MYO18B: variants seen among roughly 807,000 people sequenced by gnomAD.
The protein encoded by MYO18B is unconventional myosin-XVIIIb.
In MYO18B, 204 loss-of-function variants were observed where a neutral mutation model predicts 273.0. The ratio of observed to expected loss-of-function variants is 0.75; its 90% CI spans 0.67 to 0.84. The LOEUF is 0.84. Among genes scored for constraint, MYO18B ranks in the 40% least tolerant of loss-of-function variants. The pLI is 0.00. For missense variants in MYO18B, 3,212 were observed against 3,287.6 expected (o/e 0.98, Z 0.56); for synonymous variants, 1,330 against 1,305.7 (o/e 1.02, Z -0.40).
intron 39 of MYO18B, among the ~76,000 whole-genome samples, chr22:25,962,740 A>T (rs1334918041): frequency 6.6e-6 from 1 of 152,230 alleles, no homozygotes; most frequent in Non-Finnish European, 1.5e-5. Flanking sequence ...TGCATCATTC[A>T]TCTGAAACTT....
intron 12 of MYO18B, among the ~76,000 whole-genome samples, chr22:25,803,015 G>T (rs1474793368): frequency 2.0e-5 from 3 of 148,714 alleles, no homozygotes; most frequent in African/African-American, 7.5e-5. Flanking sequence ...AGGCTGGAGT[G>T]CAGTGGCGCG....
intron 34 of MYO18B, among the ~76,000 whole-genome samples, chr22:25,942,798 C>T (rs1476712018): frequency 6.6e-6 from 1 of 152,094 alleles, no homozygotes; most frequent in Non-Finnish European, 1.5e-5. Context: ...CCAAGATAAT[C>T]CTATCTCCAG....
chr22:25,824,555 T>C (rs1178455528), intron 13 of MYO18B, among the ~76,000 whole-genome samples: 4 of 152,142 alleles, frequency 2.6e-5, no homozygotes, highest in Non-Finnish European at 5.9e-5. Context: ...GCAGCTGTCC[T>C]TGAGACAGCA....
intron 22 of MYO18B, among the ~76,000 whole-genome samples, chr22:25,873,222 T>C (rs2091096644): frequency 1.3e-5 from 2 of 152,142 alleles, no homozygotes; most frequent in African/African-American, 2.4e-5. Context: ...GGTGGCTTTG[T>C]GGGGTGCCGA....
chr22:25,909,530 T>G (rs2146378637), intron 32 of MYO18B, among the ~76,000 whole-genome samples: 1 of 152,280 alleles, frequency 6.6e-6, no homozygotes, highest in African/African-American at 2.4e-5. Flanking sequence ...GGAGATGGAA[T>G]CTCTCAGTCC....
In MYO18B at chr22:25,955,297, A is replaced by T. The variant is rs1293089539; in HGVS notation, c.6089A>T (p.Glu2030Val). 2 of 1,613,676 alleles carry T rather than the reference A, an allele frequency of 1.2e-6. No homozygotes were observed. Among genetic ancestry groups the T allele is most frequent in the East Asian group, 4.5e-5 (2 of 44,866 alleles). ...CAGTACTACCAGCGGCGCCTGGAAGAGCTGAAGGCCGACATGGAAGAGCTG... is the reference window on the plus strand; with the variant it reads ...CAGTACTACCAGCGGCGCCTGGAAGTGCTGAAGGCCGACATGGAAGAGCTG... ...SSQYYQRRLE[E>V]LKADMEELVQ... Residue 2030 changes from glutamate (E) to valine (V), a missense_variant, in exon 39 of 44, where the codon GAG becomes GTG. Transcript: ENST00000335473.
chr22:25,973,654 A>G (rs1031641890), intron 39 of MYO18B, among the ~76,000 whole-genome samples: 20 of 152,254 alleles, frequency 1.3e-4, no homozygotes, highest in Admixed American at 3.9e-4. Flanking sequence ...GCCACACATC[A>G]GGTGATCAAT....
chr22:25,988,941 C>G (rs1228725568), intron 39 of MYO18B, among the ~76,000 whole-genome samples: 1 of 152,190 alleles, frequency 6.6e-6, no homozygotes, highest in African/African-American at 2.4e-5. Flanking sequence ...AGCCTACTTT[C>G]ACTTTTATGA....
chr22:25,955,347 C>T lies in MYO18B; in HGVS notation c.6139C>T (p.Arg2047Trp), dbSNP rs1443880267. Residue 2047 changes from arginine to tryptophan, a missense_variant, in exon 39 of 44, where the codon CGG (arginine) becomes TGG (tryptophan). Transcript: ENST00000335473. ...GGTGCAGCGGGAGGCAGAGGCCAGC[C>T]GGCGGTGCATGGAGCTGGTGAGTCC... is the stretch of plus-strand genomic sequence containing the variant. The part of the protein sequence containing the change: ...ELVQREAEAS[R>W]RCMELEKYVE... 5.6e-6 allele frequency: 9 copies of T among 1,613,078 alleles called. No homozygotes were observed. The highest frequency in any genetic ancestry group is 2.2e-5 in the East Asian group (1 of 44,892).
chr22:25,767,219 T>A (rs1335007290), intron 3 of MYO18B, among the ~76,000 whole-genome samples: 1 of 152,202 alleles, frequency 6.6e-6, no homozygotes, highest in African/African-American at 2.4e-5. Flanking sequence ...GGTTTGAGGA[T>A]GAAGCTCTGC....
intron 3 of MYO18B, among the ~76,000 whole-genome samples, chr22:25,767,087 C>A (rs886120072): frequency 1.3e-5 from 2 of 152,138 alleles, no homozygotes; most frequent in African/African-American, 2.4e-5. Context: ...ATGGAAGAAC[C>A]CAGGCTAGGG....
chr22:25,799,856 T>C (rs960613042), intron 12 of MYO18B, among the ~76,000 whole-genome samples: 3 of 152,182 alleles, frequency 2.0e-5, no homozygotes, highest in South Asian at 2.1e-4. Context: ...AATATGAAAA[T>C]ACCAAATGCC....
At chr22:25,764,675 A>G (rs777064406) in intron 3 of MYO18B, among the ~76,000 whole-genome samples, 18 of 152,208 alleles carry the variant, frequency 1.2e-4, no homozygotes, top group Non-Finnish European at 2.4e-4. Context: ...GACAGGGAGG[A>G]CAGGCTCTGT....
At chr22:25,805,943 T>C (rs567647212) in intron 12 of MYO18B, among the ~76,000 whole-genome samples, 65 of 152,302 alleles carry the variant, frequency 4.3e-4, no homozygotes, top group African/African-American at 1.4e-3. Flanking sequence ...GCTCCAGGCA[T>C]TCCCTGGCCA....
At chr22:25,825,797 A>C (rs2089468518) in intron 13 of MYO18B, among the ~76,000 whole-genome samples, 1 of 152,178 alleles carries the variant, frequency 6.6e-6, no homozygotes, top group Non-Finnish European at 1.5e-5. Context: ...AGAAAGCTTT[A>C]TTTCTCTCAA....
At chr22:26,018,400 A>G (rs1011287360) in intron 42 of MYO18B, among the ~76,000 whole-genome samples, 7 of 152,114 alleles carry the variant, frequency 4.6e-5, no homozygotes, top group Admixed American at 4.6e-4. Flanking sequence ...TCCCTTGGCT[A>G]TCCTTCCCCC....
chr22:25,747,620 T>C (rs1167837376), intron 1 of MYO18B, among the ~76,000 whole-genome samples: 2 of 152,018 alleles, frequency 1.3e-5, no homozygotes, highest in African/African-American at 4.8e-5. Flanking sequence ...CTGAGATTTT[T>C]TTTTTCTAAT....
chr22:25,835,142 TG>T, intron 16 of MYO18B, 153 bp from the exon 17 acceptor site: 1 of 842,724 alleles, frequency 1.2e-6, no homozygotes, highest in Non-Finnish European at 1.8e-6. Context: ...ACTGAGAGTC[TG>T]GGGTGATTGG....
the MYO18B span, among the ~76,000 whole-genome samples, chr22:26,036,727 T>G: frequency 2.0e-5 from 3 of 152,180 alleles, no homozygotes; most frequent in Non-Finnish European, 4.4e-5. Context: ...TGGTCTTCCC[T>G]TGATCCTCAG....
Sources: gnomAD v4.1 joint callset for allele counts (sites outside exome capture counted in the v4.1 genomes callset) on GRCh38, gnomAD v4.1.1 for gene constraint, MANE v1.5 for transcripts, NCBI Gene and HGNC (gene_info 2026-07-23, HGNC 2026-07-21) for gene names.